Variants in ASAP1 observed in about 807,000 individuals in gnomAD.
ASAP1 encodes the protein ArfGAP with SH3 domain, ankyrin repeat and PH domain 1, also known as arf-GAP with SH3 domain, ANK repeat and PH domain-containing protein 1.
ASAP1 carries 43 observed loss-of-function variants against 145.2 expected under a neutral mutation model. The ratio of observed to expected loss-of-function variants is 0.30; its 90% CI spans 0.23 to 0.38. The LOEUF is 0.38. Ranked by LOEUF, ASAP1 falls within the 10% of genes least tolerant of loss-of-function variation. The pLI, the probability that ASAP1 is intolerant of heterozygous loss-of-function variation, is 1.00. For missense variants in ASAP1, 1,018 were observed against 1,355.3 expected, an observed-to-expected ratio of 0.75 and a Z score of 3.91; for synonymous variants, 546 against 515.5, an observed-to-expected ratio of 1.06 and a Z score of -0.80.
intron 25 of ASAP1, chr8:130,082,972 TTA>T (rs960921811): frequency 6.6e-6 from 1 of 152,238 alleles, no homozygotes; most frequent in African/African-American, 2.4e-5. Flanking sequence ...AAGGAAAATT[TTA>T]TGTTTGGGGA....
chr8:130,331,402 A>T (rs1366694186), intron 3 of ASAP1, among the ~76,000 whole-genome samples: 2 of 152,184 alleles, frequency 1.3e-5, no homozygotes, highest in Non-Finnish European at 2.9e-5. Context: ...TAACTGTGTC[A>T]ACTTGGTCAG....
At chr8:130,171,005 C>T (rs936995932) in intron 9 of ASAP1, among the ~76,000 whole-genome samples, 2 of 152,176 alleles carry the variant, frequency 1.3e-5, no homozygotes, top group Non-Finnish European at 2.9e-5. Flanking sequence ...TGTGAGCCAC[C>T]GTGCCTGGCC....
intron 28 of ASAP1, among the ~76,000 whole-genome samples, chr8:130,058,622 T>C (rs776100777): frequency 7.9e-5 from 12 of 152,234 alleles, no homozygotes; most frequent in Non-Finnish European, 1.3e-4. Context: ...AAAACAGTTT[T>C]AATTTTTGAT....
At chr8:130,149,282 G>C (rs74488461) in intron 13 of ASAP1, among the ~76,000 whole-genome samples, 3,498 of 149,832 alleles carry the variant, frequency 0.023, 141 homozygotes, top group African/African-American at 0.081. Flanking sequence ...TATTACTACT[G>C]TTATAGCAAA....
intron 2 of ASAP1, among the ~76,000 whole-genome samples, chr8:130,364,775 G>A (rs1315590698): frequency 6.6e-6 from 1 of 152,068 alleles, no homozygotes; most frequent in East Asian, 1.9e-4. Context: ...CCATTCAGAG[G>A]AGAAACTGAG....
intron 3 of ASAP1, among the ~76,000 whole-genome samples, chr8:130,347,364 C>G (rs538404617): frequency 1.1e-4 from 16 of 152,336 alleles, no homozygotes; most frequent in Admixed American, 9.1e-4. Flanking sequence ...GTGACACTTG[C>G]AGAGGGAAGG....
chr8:130,344,731 C>T (rs745705146), intron 3 of ASAP1, among the ~76,000 whole-genome samples: 5 of 151,756 alleles, frequency 3.3e-5, no homozygotes, highest in Non-Finnish European at 4.4e-5. Context: ...GGTGAGATTG[C>T]GTCTCTTAAA....
In ASAP1 at chr8:130,187,242, G is replaced by A; in HGVS notation, c.524C>T (p.Thr175Ile). The stretch of plus-strand genomic sequence containing the variant: ...TAAACAAAAAACCACTTACAACTTT[G>A]TCTCATAATCTTTCCAGGCTTTGTC... Reference protein sequence around the residue: ...PFDKAWKDYETKFTKIEKEKR... With the variant: ...PFDKAWKDYEIKFTKIEKEKR... The change falls in exon 7 of 30, where the codon ACA (threonine) becomes ATA (isoleucine). Residue 175 changes from threonine (T) to isoleucine (I), a missense_variant. Physicochemically the swap from Thr to Ile is moderately conservative, Grantham distance 89. Around this residue, in one of 9 missense-constraint regions of ASAP1, gnomAD observed 78 missense variants for 161.0 expected, o/e 0.48. Coordinates refer to ENST00000518721, the MANE Select transcript of ASAP1 (RefSeq NM_018482.4). 1 of 1,607,352 alleles carries A rather than the reference G, an allele frequency of 6.2e-7. No homozygotes were observed. Among genetic ancestry groups the A allele is most frequent in the East Asian group, 2.2e-5 (1 of 44,740 alleles).
At chr8:130,330,066 A>T (rs1184096821) in intron 3 of ASAP1, among the ~76,000 whole-genome samples, 1 of 152,242 alleles carries the variant, frequency 6.6e-6, no homozygotes, top group Non-Finnish European at 1.5e-5. Flanking sequence ...TTTTCATTAC[A>T]GCTGGACCCA....
intron 26 of ASAP1, among the ~76,000 whole-genome samples, chr8:130,078,771 G>A (rs1304551632): frequency 2.6e-5 from 4 of 151,268 alleles, no homozygotes; most frequent in Admixed American, 2.6e-4. Context: ...CAAGTAGGCT[G>A]GAGAGCTGGC....
intron 2 of ASAP1, among the ~76,000 whole-genome samples, chr8:130,372,679 T>C (rs898495241): frequency 6.6e-6 from 1 of 152,228 alleles, no homozygotes; most frequent in African/African-American, 2.4e-5. Flanking sequence ...TAGCTTGATA[T>C]ATCTAATTTT....
chr8:130,076,314 A>C (rs2135275912), intron 27 of ASAP1, 34 bp downstream of exon 27: 2 of 1,546,130 alleles, frequency 1.3e-6, no homozygotes, highest in East Asian at 2.2e-5. Context: ...GTGACACTTT[A>C]ATTACATGTA....
intron 14 of ASAP1, 64 bp from the exon 15 acceptor site, chr8:130,134,408 C>A: frequency 9.5e-7 from 1 of 1,048,936 alleles, no homozygotes; most frequent in Non-Finnish European, 1.4e-6. Flanking sequence ...AGGTACAACA[C>A]AGATTTAAGT....
At chr8:130,091,501 C>T (rs1029096534) in intron 25 of ASAP1, among the ~76,000 whole-genome samples, 4 of 152,154 alleles carry the variant, frequency 2.6e-5, no homozygotes, top group Non-Finnish European at 1.5e-5. Flanking sequence ...GAGATAAGAG[C>T]CCGATCATGC....
intron 11 of ASAP1, chr8:130,160,825 A>G: frequency 7.8e-7 from 1 of 1,276,954 alleles, no homozygotes; most frequent in South Asian, 1.3e-5. Flanking sequence ...GAAACAGAGA[A>G]AAAAGGCAGA....
chr8:130,292,781 C>T (rs1822026147), intron 3 of ASAP1, among the ~76,000 whole-genome samples: 1 of 152,172 alleles, frequency 6.6e-6, no homozygotes, highest in South Asian at 2.1e-4. Flanking sequence ...CAGTTCAAAA[C>T]TGCTACTGAT....
intron 1 of ASAP1, among the ~76,000 whole-genome samples, chr8:130,415,480 A>AAAAACAAAACAAAAC (rs527627505): frequency 6.6e-6 from 1 of 152,112 alleles, no homozygotes; most frequent in Non-Finnish European, 1.5e-5. Flanking sequence ...TGTCTCTTAA[A>AAAAACAAAACAAAAC]AAAACAAAAC....
chr8:130,119,431 T>G (rs547323079), intron 18 of ASAP1, among the ~76,000 whole-genome samples: 4 of 152,228 alleles, frequency 2.6e-5, no homozygotes, highest in African/African-American at 9.7e-5. Context: ...TAGTACTTTT[T>G]CCTTTTCTTG....
intron 25 of ASAP1, among the ~76,000 whole-genome samples, chr8:130,082,355 A>T (rs968210353): frequency 6.6e-6 from 1 of 151,584 alleles, no homozygotes; most frequent in South Asian, 2.1e-4. Flanking sequence ...TAGGGCATTT[A>T]TTTTTTTTCT....
Sources: allele counts gnomAD v4.1 joint callset (sites outside exome capture counted in the v4.1 genomes callset), GRCh38; gene constraint gnomAD v4.1.1; regional missense constraint gnomAD v4.1.1; transcripts MANE v1.5; gene names NCBI Gene and HGNC (gene_info 2026-07-23, HGNC 2026-07-21).